AADAT: variants seen among roughly 807,000 people sequenced by gnomAD.
The protein encoded by AADAT is kynurenine/alpha-aminoadipate aminotransferase, mitochondrial.
In AADAT, 25 loss-of-function variants were observed where a neutral mutation model predicts 56.2. That is an observed-to-expected ratio of 0.44 (90% confidence interval 0.32 to 0.62). The LOEUF is 0.62. Among genes scored for constraint, AADAT ranks in the 20% least tolerant of loss-of-function variants. The probability of loss-of-function intolerance (pLI) is 0.04; values close to 1 mark genes in which losing one functional copy is unlikely to be tolerated. For synonymous variants in AADAT, 173 were observed against 164.7 expected, an observed-to-expected ratio of 1.05 and a Z score of -0.39; for missense variants, 387 against 510.5, an observed-to-expected ratio of 0.76 and a Z score of 2.33.
At chr4:170,067,195 T>C (rs1731509330) in intron 9 of AADAT, 132 bp downstream of exon 9, 2 of 647,134 alleles carry the variant, frequency 3.1e-6, no homozygotes, top group Non-Finnish European at 2.6e-6. Context: ...TGACTTATAA[T>C]AGACCGTTCC....
chr4:170,089,519 G>A, intron 1 of AADAT, 105 bp downstream of exon 1: 1 of 1,236,022 alleles, frequency 8.1e-7, no homozygotes, highest in Non-Finnish European at 1.2e-6. Context: ...CGTGCACAGG[G>A]GTACGCATGG....
chr4:170,093,456 T>A (rs1243117922), upstream of AADAT, among the ~76,000 whole-genome samples: 1 of 152,156 alleles, frequency 6.6e-6, no homozygotes, highest in Admixed American at 6.5e-5. Context: ...CAATTTAAAT[T>A]TCTTCCATTT....
At chr4:170,082,971 T>C (rs903674920) in intron 3 of AADAT, among the ~76,000 whole-genome samples, 1 of 150,988 alleles carries the variant, frequency 6.6e-6, no homozygotes, top group Non-Finnish European at 1.5e-5. Context: ...CACTTAGTAA[T>C]GAACAGATTA....
chr4:170,060,924 T>A lies in AADAT; in HGVS notation c.*4A>T. On this transcript the variant is annotated 3_prime_UTR_variant, in exon 13 of 13. Coordinates refer to ENST00000337664, the MANE Select transcript of AADAT (RefSeq NM_016228.4). ...GCCACCATGCCCAACCTAGTTTAAT[T>A]TCTTCATAAAGATTCTTTTATAAGT... The A allele has an allele frequency of 1.3e-6, 2 of 1,543,230 alleles. No homozygotes were observed. The highest frequency in any genetic ancestry group is 1.7e-6 in the Non-Finnish European group (2 of 1,144,296).
intron 5 of AADAT, among the ~76,000 whole-genome samples, chr4:170,071,739 AGGGCAGGCAG>A (rs556622807): frequency 2.9e-4 from 44 of 152,266 alleles, no homozygotes; most frequent in Non-Finnish European, 5.4e-4. Context: ...GAGTCCAGTG[AGGGCAGGCAG>A]GGGCTCAGAA....
chr4:170,087,379 G>T, intron 2 of AADAT, 131 bp from the exon 3 acceptor site: 1 of 820,410 alleles, frequency 1.2e-6, no homozygotes, highest in Non-Finnish European at 1.8e-6. Context: ...AATGCTTTTT[G>T]CCAGTATGAA....
chr4:170,092,034 T>G (rs987588802), upstream of AADAT, among the ~76,000 whole-genome samples: 3 of 152,182 alleles, frequency 2.0e-5, no homozygotes, highest in Non-Finnish European at 4.4e-5. Context: ...AACGCACCAA[T>G]CAGCACCCTG....
chr4:170,072,173 T>C (rs561284227), intron 5 of AADAT, among the ~76,000 whole-genome samples: 4 of 151,964 alleles, frequency 2.6e-5, no homozygotes, highest in African/African-American at 9.7e-5. Flanking sequence ...GAAGAGAACT[T>C]AGGACAGAGC....
At chr4:170,089,158 C>T in intron 1 of AADAT, 2 of 278,486 alleles carry the variant, frequency 7.2e-6, no homozygotes, top group Non-Finnish European at 1.4e-5. Flanking sequence ...AAAGAGAAGG[C>T]AGAGGGATCA....
chr4:170,085,670 T>C (rs1280419051), intron 3 of AADAT, among the ~76,000 whole-genome samples: 3 of 152,182 alleles, frequency 2.0e-5, no homozygotes, highest in Admixed American at 2.0e-4. Context: ...CATTAAAAAA[T>C]ACTCTTATAT....
intron 5 of AADAT, 50 bp downstream of exon 5, chr4:170,073,086 G>A (rs757684302): frequency 6.4e-7 from 1 of 1,568,356 alleles, no homozygotes. Flanking sequence ...CTTCTAAAAA[G>A]TCACAGAGAA....
chr4:170,093,285 C>T (rs757873804), upstream of AADAT, among the ~76,000 whole-genome samples: 3 of 151,934 alleles, frequency 2.0e-5, no homozygotes, highest in Non-Finnish European at 4.4e-5. Flanking sequence ...CAAAAATTAG[C>T]GGTGTTTGGT....
chr4:170,071,513 G>A (rs1057032077), intron 5 of AADAT, among the ~76,000 whole-genome samples: 3 of 152,210 alleles, frequency 2.0e-5, no homozygotes, highest in Non-Finnish European at 2.9e-5. Context: ...AGAACAGACC[G>A]ACCGTGTTAC....
intron 5 of AADAT, among the ~76,000 whole-genome samples, chr4:170,071,479 A>C (rs1248826811): frequency 6.6e-6 from 1 of 152,236 alleles, no homozygotes; most frequent in Non-Finnish European, 1.5e-5. Flanking sequence ...GTGCAGCAAG[A>C]AGAATGATAA....
intron 2 of AADAT, among the ~76,000 whole-genome samples, chr4:170,088,048 A>T (rs1273687171): frequency 1.3e-5 from 2 of 151,178 alleles, no homozygotes; most frequent in Non-Finnish European, 3.0e-5. Flanking sequence ...TTTCACCTGG[A>T]CATCTTCTCA....
chr4:170,064,679 T>A (rs1731359171), intron 11 of AADAT, 40 bp downstream of exon 11: 1 of 1,493,556 alleles, frequency 6.7e-7, no homozygotes, highest in South Asian at 1.2e-5. Context: ...AAAGTATAAC[T>A]TTTCCTTAGG....
chr4:170,092,891 C>T (rs1342898050), upstream of AADAT, among the ~76,000 whole-genome samples: 2 of 152,230 alleles, frequency 1.3e-5, no homozygotes, highest in African/African-American at 2.4e-5. Context: ...TATTTGGCAA[C>T]TTTTAAGGCC....
chr4:170,081,174 G>T (rs887939794), intron 3 of AADAT, among the ~76,000 whole-genome samples: 2 of 152,192 alleles, frequency 1.3e-5, no homozygotes, highest in African/African-American at 4.8e-5. Flanking sequence ...TTGTTGAACT[G>T]AGGAACTCAT....
chr4:170,063,368 G>A (rs1177795687), intron 11 of AADAT, among the ~76,000 whole-genome samples: 1 of 152,196 alleles, frequency 6.6e-6, no homozygotes, highest in Non-Finnish European at 1.5e-5. Flanking sequence ...GACTGAAGAA[G>A]AGTAGAGTAA....
Sources: allele counts gnomAD v4.1 joint callset (sites outside exome capture counted in the v4.1 genomes callset), GRCh38; gene constraint gnomAD v4.1.1; transcripts MANE v1.5; gene names NCBI Gene and HGNC (gene_info 2026-07-23, HGNC 2026-07-21).